Variants in PALLD observed in about 807,000 individuals in gnomAD.
The protein encoded by PALLD is palladin, cytoskeletal associated protein, also known as palladin.
In PALLD, 61 loss-of-function variants were observed where a neutral mutation model predicts 123.5. The ratio of observed to expected loss-of-function variants is 0.49; its 90% CI spans 0.40 to 0.61. The LOEUF (loss-of-function observed/expected upper bound fraction) is 0.61, where lower values mean the gene tolerates loss of function less well. Among genes scored for constraint, PALLD ranks in the 20% least tolerant of loss-of-function variants. The pLI is 0.00. For synonymous variants in PALLD, 465 were observed against 496.4 expected (o/e 0.94, Z 0.84); for missense variants, 1,273 against 1,377.0 (o/e 0.92, Z 1.20).
At chr4:168,756,983 A>G (rs904637744) in intron 10 of PALLD, among the ~76,000 whole-genome samples, 1 of 152,236 alleles carries the variant, frequency 6.6e-6, no homozygotes, top group African/African-American at 2.4e-5. Context: ...TCAGGAAGAA[A>G]AGAAATGAGT....
chr4:168,555,562 G>A (rs562234091), intron 2 of PALLD, among the ~76,000 whole-genome samples: 2 of 152,146 alleles, frequency 1.3e-5, no homozygotes, highest in African/African-American at 4.8e-5. Flanking sequence ...CTTTTAGATA[G>A]CTGAATATGA....
In PALLD at chr4:168,512,346, A is replaced by G. The variant is rs1275904457; in HGVS notation, c.842A>G (p.Glu281Gly). Residue 281 changes from glutamate to glycine, a missense_variant, in exon 2 of 22, where the codon GAA becomes GGA. Transcript: ENST00000505667. The part of the protein sequence containing the change: ...PRFIQKLRSQ[E>G]VAEGSRVYLE... ...TTCATCCAAAAGCTGAGGAGCCAAG[A>G]AGTAGCAGAAGGGAGCCGAGTTTAT... 6 of 1,614,110 alleles carry G rather than the reference A, an allele frequency of 3.7e-6. No individual in the cohort carries two copies. In the Admixed American group the frequency reaches 1.0e-4, roughly 27 times the overall value.
At chr4:168,610,743 T>C (rs550661144) in intron 2 of PALLD, among the ~76,000 whole-genome samples, 191 of 152,106 alleles carry the variant, frequency 1.3e-3, no homozygotes, top group Non-Finnish European at 2.3e-3. Flanking sequence ...TCCTCTTAGT[T>C]TTTCCAGTAA....
chr4:168,798,202 T>C (rs1313298318), intron 10 of PALLD, among the ~76,000 whole-genome samples: 1 of 152,136 alleles, frequency 6.6e-6, no homozygotes, highest in Non-Finnish European at 1.5e-5. Context: ...CCTCCCCAGT[T>C]GGGGAGCCTT....
intron 10 of PALLD, among the ~76,000 whole-genome samples, chr4:168,761,645 G>GTTTTTTTGT (rs1732873381): frequency 1.1e-5 from 1 of 88,024 alleles, no homozygotes; most frequent in African/African-American, 4.1e-5. Flanking sequence ...GTTGTTGTTT[G>GTTTTTTTGT]TTTTTTTTTT....
chr4:168,842,677 A>G (rs554752750), intron 10 of PALLD, among the ~76,000 whole-genome samples: 1 of 152,280 alleles, frequency 6.6e-6, no homozygotes, highest in East Asian at 1.9e-4. Flanking sequence ...GAGGAGTGCT[A>G]CTTTCTTCTC....
intron 10 of PALLD, among the ~76,000 whole-genome samples, chr4:168,861,908 G>A (rs887084082): frequency 4.6e-5 from 7 of 151,674 alleles, no homozygotes; most frequent in Admixed American, 2.0e-4. Flanking sequence ...CTCCCCCTTC[G>A]GCCTCCCAAA....
chr4:168,853,656 A>G (rs761780124), intron 10 of PALLD, among the ~76,000 whole-genome samples: 1 of 151,736 alleles, frequency 6.6e-6, no homozygotes, highest in Non-Finnish European at 1.5e-5. Flanking sequence ...AAGGGCTGAG[A>G]CTCTGAGAAT....
intron 10 of PALLD, among the ~76,000 whole-genome samples, chr4:168,721,002 C>T (rs1581144625): frequency 6.6e-6 from 1 of 152,122 alleles, no homozygotes; most frequent in Admixed American, 6.5e-5. Flanking sequence ...TGTTTAATTA[C>T]ATTTCCAGAA....
At chr4:168,822,283 G>A (rs183593326) in intron 10 of PALLD, among the ~76,000 whole-genome samples, 103 of 151,822 alleles carry the variant, frequency 6.8e-4, no homozygotes, top group Non-Finnish European at 1.2e-3. Context: ...TTTTTGGGGA[G>A]GGGGTGGGGT....
At chr4:168,870,940 T>C (rs1750992225) in intron 10 of PALLD, among the ~76,000 whole-genome samples, 2 of 152,222 alleles carry the variant, frequency 1.3e-5, no homozygotes, top group African/African-American at 4.8e-5. Flanking sequence ...GAGTTTTACA[T>C]TGTATAGAAA....
At chr4:168,919,970 TGA>T (rs147523900) in intron 17 of PALLD, among the ~76,000 whole-genome samples, 4,323 of 152,276 alleles carry the variant, frequency 0.028, 82 homozygotes, top group Middle Eastern at 0.054. Context: ...TCACGTGGTT[TGA>T]GAGTACGCGT....
intron 2 of PALLD, among the ~76,000 whole-genome samples, chr4:168,657,599 A>C (rs1169439910): frequency 1.3e-5 from 2 of 152,198 alleles, no homozygotes; most frequent in Non-Finnish European, 2.9e-5. Context: ...AGCAGCCCCA[A>C]AATTATACTA....
intron 2 of PALLD, among the ~76,000 whole-genome samples, chr4:168,624,620 TA>T (rs1244558396): frequency 6.6e-6 from 1 of 152,116 alleles, no homozygotes; most frequent in Non-Finnish European, 1.5e-5. Context: ...ACAGAGAAAC[TA>T]AAAGTATAAA....
At chr4:168,726,016 A>G (rs1165488468) in intron 10 of PALLD, among the ~76,000 whole-genome samples, 1 of 152,208 alleles carries the variant, frequency 6.6e-6, no homozygotes, top group Non-Finnish European at 1.5e-5. Context: ...TGAAATATTC[A>G]TGTGTATTTT....
intron 10 of PALLD, among the ~76,000 whole-genome samples, chr4:168,798,749 C>CAG (rs1475243091): frequency 5.3e-5 from 8 of 152,056 alleles, no homozygotes; most frequent in Non-Finnish European, 1.0e-4. Context: ...TAAATTTTTT[C>CAG]AAAATATATG....
intron 19 of PALLD, among the ~76,000 whole-genome samples, chr4:168,924,635 TA>T (rs1228817303): frequency 1.3e-5 from 2 of 152,214 alleles, no homozygotes; most frequent in African/African-American, 2.4e-5. Context: ...GGTGATTTCT[TA>T]AAAGTGTTTA....
At chr4:168,816,016 T>C (rs1741859371) in intron 10 of PALLD, among the ~76,000 whole-genome samples, 1 of 152,232 alleles carries the variant, frequency 6.6e-6, no homozygotes, top group South Asian at 2.1e-4. Context: ...AGGTTTCCCT[T>C]TGGAGTGTGG....
At chr4:168,572,463 G>A (rs537098805) in intron 2 of PALLD, among the ~76,000 whole-genome samples, 11 of 152,098 alleles carry the variant, frequency 7.2e-5, no homozygotes, top group Admixed American at 2.0e-4. Context: ...TTTTCACAGC[G>A]GTAGAAAAAT....
Sources: allele counts gnomAD v4.1 joint callset (sites outside exome capture counted in the v4.1 genomes callset), GRCh38; gene constraint gnomAD v4.1.1; transcripts MANE v1.5; gene names NCBI Gene and HGNC (gene_info 2026-07-23, HGNC 2026-07-21).